The following CAMTA1 variants were observed in gnomAD, a reference collection of about 807,000 sequenced individuals.
The protein encoded by CAMTA1 is calmodulin binding transcription activator 1.
A neutral mutation model predicts 170.9 loss-of-function variants in CAMTA1; 27 were observed. That is an observed-to-expected ratio of 0.16 (90% CI 0.12 to 0.22). The LOEUF (loss-of-function observed/expected upper bound fraction) is 0.22, where lower values mean the gene tolerates loss of function less well. Ranked by LOEUF, CAMTA1 falls within the 10% of genes least tolerant of loss-of-function variation. The pLI is 1.00. For synonymous variants in CAMTA1, 833 were observed against 891.5 expected, an observed-to-expected ratio of 0.93 and a Z score of 1.17; for missense variants, 1,619 against 2,217.2, an observed-to-expected ratio of 0.73 and a Z score of 5.42.
intron 3 of CAMTA1, among the ~76,000 whole-genome samples, chr1:6,938,087 C>A (rs1403997690): frequency 6.6e-6 from 1 of 152,176 alleles, no homozygotes. Flanking sequence ...GACTTGGAGT[C>A]CACTCTCATA....
intron 6 of CAMTA1, among the ~76,000 whole-genome samples, chr1:7,545,836 C>T (rs895037639): frequency 2.0e-5 from 3 of 152,126 alleles, no homozygotes; most frequent in African/African-American, 4.8e-5. Context: ...TGATGCTCTC[C>T]CTCCCCACCC....
rs989023348 is a variant in CAMTA1, at chr1:6,965,229, CTGTGCATG to C, written c.235-126062_235-126055del. Among the ~76,000 whole-genome samples the C allele has an allele frequency of 1.3e-5, 2 of 151,942 alleles. No individual in the cohort carries two copies. Among genetic ancestry groups the C allele is most frequent in the African/African-American group, 2.4e-5 (1 of 41,334 alleles). On this transcript the variant is annotated intron_variant, in intron 3 of 22. Transcript: ENST00000303635. The surrounding 1 kb of genome is among the most constrained non-coding windows in gnomAD (Gnocchi z 4.1). ...TATGACTTTGTGTGCTTGTGTGTGT[CTGTGCATG>C]TGTGCATGTGTGTGGGCACGTGCTC... is the stretch of plus-strand genomic sequence containing the variant.
intron 3 of CAMTA1, among the ~76,000 whole-genome samples, chr1:6,923,433 G>C (rs1328374029): frequency 6.6e-6 from 1 of 152,158 alleles, no homozygotes; most frequent in East Asian, 1.9e-4. Flanking sequence ...CAAGGTTCCT[G>C]TTTAGAGGGG....
rs1676479060 is a variant in CAMTA1 at position 6,899,571 on chromosome 1, C to CAT, written c.234+74362_234+74363insTA. ...GCGCGCGCGCACACACACACACACA[C>CAT]ACACACACACACACACACACACAGA... On this transcript the variant is annotated intron_variant, in intron 3 of 22. Coordinates refer to ENST00000303635, the MANE Select transcript of CAMTA1 (RefSeq NM_015215.4). Among the ~76,000 whole-genome samples, 2 of 151,978 alleles carry CAT rather than the reference C, an allele frequency of 1.3e-5. 1 individual carries two copies. Among genetic ancestry groups the CAT allele is most frequent in the African/African-American group, 4.8e-5 (2 of 41,336 alleles).
chr1:7,288,600 C>T (rs1672670737), intron 5 of CAMTA1, among the ~76,000 whole-genome samples: 1 of 152,126 alleles, frequency 6.6e-6, no homozygotes, highest in African/African-American at 2.4e-5. Flanking sequence ...GCAGGAAAAC[C>T]AAGGGTGAAT....
chr1:7,555,331 G>C (rs566727529), intron 6 of CAMTA1, among the ~76,000 whole-genome samples: 1 of 152,108 alleles, frequency 6.6e-6, no homozygotes, highest in African/African-American at 2.4e-5. Flanking sequence ...TAGGACCCAG[G>C]AGGGCAGCTG....
At chr1:7,082,862 T>A (rs543326394) in intron 3 of CAMTA1, among the ~76,000 whole-genome samples, 4 of 152,200 alleles carry the variant, frequency 2.6e-5, no homozygotes, top group Non-Finnish European at 5.9e-5. Flanking sequence ...AATTTGGCAC[T>A]CCTTGTCTGT....
At chr1:7,640,890 G>A (rs2095755389) in intron 7 of CAMTA1, among the ~76,000 whole-genome samples, 1 of 152,210 alleles carries the variant, frequency 6.6e-6, no homozygotes. Context: ...CGGCTGGGGA[G>A]GGAAAGTATG....
At chr1:7,472,120 G>A (rs532634103) in intron 6 of CAMTA1, among the ~76,000 whole-genome samples, 1 of 152,236 alleles carries the variant, frequency 6.6e-6, no homozygotes, top group Non-Finnish European at 1.5e-5. Flanking sequence ...GCTTGCTTGG[G>A]TGGAGGCAGC....
chr1:7,585,217 A>G lies in CAMTA1; in HGVS notation c.511-55183A>G, dbSNP rs2150426784. Among the ~76,000 whole-genome samples, 1 of 152,288 alleles carries G rather than the reference A, an allele frequency of 6.6e-6. No individual in the cohort carries two copies. The highest frequency in any genetic ancestry group is 2.4e-5 in the African/African-American group (1 of 41,550). On this transcript the variant is annotated intron_variant, in intron 6 of 22. Coordinates refer to ENST00000303635, the MANE Select transcript of CAMTA1 (RefSeq NM_015215.4). This position sits in a 1 kb window ranked among gnomAD's most constrained non-coding sequence, Gnocchi z 4.8. ...TTTGGAATTGGATTGTGGGCCTGTAATATAATTTAAGATAGTGATAAATGC... is the reference window on the plus strand; with the variant it reads ...TTTGGAATTGGATTGTGGGCCTGTAGTATAATTTAAGATAGTGATAAATGC...
intron 4 of CAMTA1, among the ~76,000 whole-genome samples, chr1:7,222,594 C>T (rs563374454): frequency 1.3e-4 from 20 of 152,264 alleles, no homozygotes; most frequent in African/African-American, 4.6e-4. Context: ...TGAGTCCTCC[C>T]TAGACAGCCC....
At chr1:7,218,016 A>C (rs537855281) in intron 4 of CAMTA1, among the ~76,000 whole-genome samples, 3 of 152,314 alleles carry the variant, frequency 2.0e-5, no homozygotes, top group South Asian at 4.1e-4. Context: ...CTGTGGGTAC[A>C]TCACTCAATT....
intron 3 of CAMTA1, among the ~76,000 whole-genome samples, chr1:6,945,593 C>T (rs1687437402): frequency 1.3e-5 from 2 of 152,148 alleles, no homozygotes; most frequent in South Asian, 4.1e-4. Context: ...AAGTGATCCT[C>T]CTGCTTCGCC....
intron 5 of CAMTA1, among the ~76,000 whole-genome samples, chr1:7,285,969 C>G (rs942077081): frequency 2.0e-5 from 3 of 152,064 alleles, no homozygotes; most frequent in African/African-American, 7.2e-5. Context: ...AGTGTAGAGG[C>G]CAGGAAAGAG....
At chr1:7,011,174 A>T (rs986803401) in intron 3 of CAMTA1, among the ~76,000 whole-genome samples, 1 of 152,180 alleles carries the variant, frequency 6.6e-6, no homozygotes, top group Non-Finnish European at 1.5e-5. Context: ...AGGGTGATTC[A>T]GTGTTCCAGT....
chr1:7,378,222 C>T (rs2086995023), intron 5 of CAMTA1, among the ~76,000 whole-genome samples: 1 of 152,178 alleles, frequency 6.6e-6, no homozygotes, highest in Non-Finnish European at 1.5e-5. Flanking sequence ...ACCTGCTATT[C>T]CTGTAGCCAT....
intron 3 of CAMTA1, among the ~76,000 whole-genome samples, chr1:6,949,692 T>G (rs1688151323): frequency 6.6e-6 from 1 of 152,228 alleles, no homozygotes; most frequent in South Asian, 2.1e-4. Flanking sequence ...GGCAAATTTT[T>G]TAGTACTTCT....
At chr1:7,544,494 C>T (rs1162736416) in intron 6 of CAMTA1, among the ~76,000 whole-genome samples, 1 of 152,192 alleles carries the variant, frequency 6.6e-6, no homozygotes, top group African/African-American at 2.4e-5. Context: ...CCAGGTCTCA[C>T]CCTTCATCCC....
chr1:7,448,689 C>T (rs537253229), intron 5 of CAMTA1, among the ~76,000 whole-genome samples: 23 of 152,326 alleles, frequency 1.5e-4, no homozygotes, highest in Admixed American at 7.8e-4. Flanking sequence ...CTTCTTGCTG[C>T]GTCCTTACGT....
Sources: gnomAD v4.1 joint callset for allele counts (sites outside exome capture counted in the v4.1 genomes callset) on GRCh38, gnomAD v4.1.1 for gene constraint, Gnocchi (gnomAD v3.1) non-coding constraint, MANE v1.5 for transcripts, NCBI Gene and HGNC (gene_info 2026-07-23, HGNC 2026-07-21) for gene names.